CORO1B: variants seen among roughly 807,000 people sequenced by gnomAD.
CORO1B encodes the protein coronin 1B.
A neutral mutation model predicts 51.1 loss-of-function variants in CORO1B; 30 were observed. That is an observed-to-expected ratio of 0.59 (90% CI 0.44 to 0.80). CORO1B has a LOEUF of 0.80. Among genes scored for constraint, CORO1B ranks in the 30% least tolerant of loss-of-function variants. The pLI, the probability that CORO1B is intolerant of heterozygous loss-of-function variation, is 0.00. For synonymous variants in CORO1B, 310 were observed against 289.7 expected (o/e 1.07, Z -0.71); for missense variants, 648 against 700.4 (o/e 0.93, Z 0.84).
rs1317450360 is a variant in CORO1B at position 67,438,881 on chromosome 11, C to T, written c.1134G>A (p.Glu378=). 2 of 1,608,752 alleles carry T rather than the reference C, an allele frequency of 1.2e-6. No homozygotes were observed. Among genetic ancestry groups the T allele is most frequent in the Non-Finnish European group, 8.5e-7 (1 of 1,178,844 alleles). The change falls in exon 10 of 11, where the codon GAG becomes GAA. Residue 378 remains glutamate (E), a synonymous_variant. Transcript: ENST00000341356. Reference sequence around the variant, plus strand: ...GGTCGGCATCCCGCCCGCTCACCCACTCCTCAGCCTCCAGGGCTGCCTCGG... The same window carrying T: ...GGTCGGCATCCCGCCCGCTCACCCATTCCTCAGCCTCCAGGGCTGCCTCGG... ...AGPEAALEAE[E]WVSGRDADPI...
In CORO1B at chr11:67,435,674, G is replaced by A. The variant is rs1864251078; in HGVS notation, c.*2702C>T. Reference sequence around the variant, plus strand: ...GGTCCAGTCCAGCCATGGCATCTTGGGAAGCAGAGGCACGGGGAGTGAGCG... The same window carrying A: ...GGTCCAGTCCAGCCATGGCATCTTGAGAAGCAGAGGCACGGGGAGTGAGCG... On this transcript the variant is annotated 3_prime_UTR_variant, in exon 11 of 11. Coordinates refer to ENST00000341356, the MANE Select transcript of CORO1B (RefSeq NM_020441.3). The A allele has an allele frequency of 6.7e-7, 1 of 1,494,094 alleles. No individual in the cohort carries two copies. The highest frequency in any genetic ancestry group is 2.3e-5 in the Admixed American group (1 of 43,352). The allele number at this position is 1,494,094 out of a possible 1,614,324, so 92.6% of individuals were successfully genotyped here.
chr11:67,442,232 T>C lies in CORO1B; in HGVS notation c.202-144A>G, dbSNP rs141426475. On this transcript the variant is annotated intron_variant, in intron 2 of 10. Transcript: ENST00000341356. ...CCCCACTTGCCAGGTGAGCAGGAAATGTTTGCTGCCTCTAACCCTGCCTCT... is the reference window on the plus strand; with the variant it reads ...CCCCACTTGCCAGGTGAGCAGGAAACGTTTGCTGCCTCTAACCCTGCCTCT... 643 of 1,414,620 alleles carry C rather than the reference T, an allele frequency of 4.5e-4. 2 individuals carry two copies. The African/African-American group carries it at 8.3e-3, about 18-fold the overall frequency. 87.6% of individuals were successfully genotyped at this position (1,414,620 alleles called of 1,614,324 possible).
rs924835685 is a variant in CORO1B, at chr11:67,437,253, G to T, written c.*1123C>A. ...CAGCTGCCAGAGGAAGTCTGCGGTC[G>T]GAACAGGCTAGGTGGGGGGTGTCGG... is the stretch of plus-strand genomic sequence containing the variant. On this transcript the variant is annotated 3_prime_UTR_variant, in exon 11 of 11. Transcript: ENST00000341356. 2.2e-5 allele frequency: 5 copies of T among 225,128 alleles called. No homozygotes were observed. The highest frequency in any genetic ancestry group is 3.4e-5 in the Non-Finnish European group (4 of 115,946). The allele number at this position is 225,128 out of a possible 1,614,324, so 13.9% of individuals were successfully genotyped here. A position where few individuals can be genotyped will look rare whatever the true frequency, so the allele number is the denominator to read the frequency against.
At position 67,441,780 on chromosome 11, in the gene CORO1B, C is replaced by A. The variant is rs1255412130; in HGVS notation, c.407G>T (p.Gly136Val). The A allele has an allele frequency of 3.1e-6, 5 of 1,612,816 alleles. No individual in the cohort carries two copies. Among genetic ancestry groups the A allele is most frequent in the African/African-American group, 1.3e-5 (1 of 74,906 alleles). The change falls in exon 4 of 11, where the codon GGC becomes GTC. Residue 136 changes from glycine (G) to valine (V), a missense_variant. By Grantham distance (109) the Gly-to-Val change is moderately radical. Coordinates refer to ENST00000341356, the MANE Select transcript of CORO1B (RefSeq NM_020441.3). ...VVLEGHTKRV[G>V]IIAWHPTARN... ...GGCCGTGGGGTGCCAGGCGATGATGCCCACTCGCTTGGTGTGCCCCTCCAG... is the reference window on the plus strand; with the variant it reads ...GGCCGTGGGGTGCCAGGCGATGATGACCACTCGCTTGGTGTGCCCCTCCAG...
intron 9 of CORO1B, among the ~76,000 whole-genome samples, chr11:67,439,163 C>T (rs1392589973): frequency 6.6e-6 from 1 of 152,270 alleles, no homozygotes; most frequent in East Asian, 1.9e-4. Flanking sequence ...ATCACCTTCC[C>T]CTGCAAGGCA....
At chr11:67,440,935 TG>T (rs1864380877) in intron 6 of CORO1B, 189 bp downstream of exon 6, 2 of 744,472 alleles carry the variant, frequency 2.7e-6, no homozygotes, top group African/African-American at 1.7e-5. Context: ...TGGGAGGCCA[TG>T]GGGGAGTGGT....
intron 9 of CORO1B, 60 bp from the exon 10 acceptor site, chr11:67,439,009 C>T: frequency 1.3e-6 from 2 of 1,513,704 alleles, no homozygotes; most frequent in Non-Finnish European, 8.9e-7. Flanking sequence ...GTCCCCTCAT[C>T]CCTCCCCTGG....
rs780514757 is a variant in CORO1B, at chr11:67,435,850, G to A, written c.*2526C>T. Reference sequence around the variant, plus strand: ...GCAGGGCCTCAGCACTGCCCCCTGCGCTCGCTGGTCCTGGGGAGCCGAGGA... The same window carrying A: ...GCAGGGCCTCAGCACTGCCCCCTGCACTCGCTGGTCCTGGGGAGCCGAGGA... On this transcript the variant is annotated 3_prime_UTR_variant, in exon 11 of 11. Transcript: ENST00000341356. 1.2e-5 allele frequency: 20 copies of A among 1,609,432 alleles called. No individual in the cohort carries two copies. The highest frequency in any genetic ancestry group is 2.2e-5 in the East Asian group (1 of 44,864).
chr11:67,440,157 G>T lies in CORO1B; in HGVS notation c.968C>A (p.Pro323His). Residue 323 changes from proline to histidine, a missense_variant, in exon 8 of 11, where the codon CCC becomes CAC. Coordinates refer to ENST00000341356, the MANE Select transcript of CORO1B (RefSeq NM_020441.3). ...KEPQRGMGSM[P>H]KRGLEVSKCE... Reference sequence around the variant, plus strand: ...CTTGCTGACCTCCAGGCCCCGCTTGGGCATGCTGCCCATACCCCGCTGCGG... The same window carrying T: ...CTTGCTGACCTCCAGGCCCCGCTTGTGCATGCTGCCCATACCCCGCTGCGG... 6.2e-7 allele frequency: 1 copy of T among 1,613,604 alleles called. No homozygotes were observed. The highest frequency in any genetic ancestry group is 1.1e-5 in the South Asian group (1 of 91,084).
rs781154208 is a variant in CORO1B, at chr11:67,440,182, G to C, written c.943C>G (p.Pro315Ala). The C allele has an allele frequency of 1.2e-6, 2 of 1,613,756 alleles. No homozygotes were observed. Among genetic ancestry groups the C allele is most frequent in the Non-Finnish European group, 8.5e-7 (1 of 1,180,016 alleles). ...GGCATGCTGCCCATACCCCGCTGCGGCTCCTTGCTGGTGAACGTGTTCAGG... is the reference window on the plus strand; with the variant it reads ...GGCATGCTGCCCATACCCCGCTGCGCCTCCTTGCTGGTGAACGTGTTCAGG... Reference protein sequence around the residue: ...HFLNTFTSKEPQRGMGSMPKR... With the variant: ...HFLNTFTSKEAQRGMGSMPKR... The change falls in exon 8 of 11, where the codon CCG becomes GCG. Residue 315 changes from proline (P) to alanine (A), a missense_variant. Transcript: ENST00000341356.
intron 6 of CORO1B, 152 bp downstream of exon 6, chr11:67,440,973 G>A (rs1348820643): frequency 1.8e-6 from 2 of 1,110,600 alleles, no homozygotes; most frequent in Non-Finnish European, 2.6e-6. Flanking sequence ...CAGGGGGCAG[G>A]AGAGGAAAGT....
Position 67,439,367 on chromosome 11 carries a change from G to A in CORO1B, c.1066-418C>T, listed in dbSNP as rs532205068. ...TCTGAGGCCAAGCCACATGTGGCCC[G>A]GTCCCCTCTTCATGGGATTCCCCAC... On this transcript the variant is annotated intron_variant, in intron 9 of 10. Coordinates refer to ENST00000341356, the MANE Select transcript of CORO1B (RefSeq NM_020441.3). Among the ~76,000 whole-genome samples, 4 of 152,354 alleles carry A rather than the reference G, an allele frequency of 2.6e-5. No homozygotes were observed. The South Asian group carries it at 8.3e-4, about 32-fold the overall frequency.
upstream of CORO1B, chr11:67,443,545 C>A (rs1228503799): frequency 3.3e-5 from 26 of 788,686 alleles, no homozygotes; most frequent in South Asian, 1.4e-3. Context: ...GGGGGCGGGG[C>A]CGAGGTCACG....
In CORO1B at chr11:67,438,417, GGCGGCAGAT is replaced by G. The variant is rs1257819527; in HGVS notation, c.1420_1428del (p.Ile474_Arg476del). On this transcript the variant is annotated inframe_deletion, in exon 11 of 11. Coordinates refer to ENST00000341356, the MANE Select transcript of CORO1B (RefSeq NM_020441.3). Reference sequence around the variant, plus strand: ...TCCATGCGGCCCAGCTGCTCCTCCAGGCGGCAGATGCGGTCGCCCTGCTCCTTGACCAGC... The same window carrying G: ...TCCATGCGGCCCAGCTGCTCCTCCAGGCGGTCGCCCTGCTCCTTGACCAGC... The G allele has an allele frequency of 2.5e-6, 4 of 1,610,438 alleles. No homozygotes were observed. Among genetic ancestry groups the G allele is most frequent in the Non-Finnish European group, 3.4e-6 (4 of 1,178,258 alleles).
chr11:67,442,164 G>A, intron 2 of CORO1B, 76 bp from the exon 3 acceptor site: 3 of 1,576,732 alleles, frequency 1.9e-6, no homozygotes, highest in Non-Finnish European at 2.6e-6. Context: ...GAGTGGGAAT[G>A]ACATGCACGT....
At chr11:67,439,553 C>T (rs570518842) in intron 9 of CORO1B, among the ~76,000 whole-genome samples, 11 of 152,340 alleles carry the variant, frequency 7.2e-5, no homozygotes, top group Non-Finnish European at 1.5e-4. Context: ...GTGTCCTTCT[C>T]CTGTGGCTCA....
chr11:67,439,059 C>G (rs980611090), intron 9 of CORO1B, 110 bp from the exon 10 acceptor site: 66 of 1,268,150 alleles, frequency 5.2e-5, no homozygotes, highest in Non-Finnish European at 6.8e-5. Context: ...CTCCCACGGC[C>G]TGGAAAGCTC....
rs1864385192 is a variant in CORO1B, at chr11:67,441,148, G to A, written c.733C>T (p.Arg245Trp). 1.2e-6 allele frequency: 2 copies of A among 1,613,048 alleles called. No individual in the cohort carries two copies. The highest frequency in any genetic ancestry group is 1.7e-6 in the Non-Finnish European group (2 of 1,180,000). ...ACTGGGTCCCAGAGCGCCAGCTGCC[G>A]CTCGCTCATTCGGCTGAAGCCTGTG... ...FTTGFSRMSE[R>W]QLALWDPENL... Residue 245 changes from arginine to tryptophan, a missense_variant, in exon 6 of 11, where the codon CGG (arginine) becomes TGG (tryptophan). By Grantham distance (101) the Arg-to-Trp change is moderately radical (BLOSUM62 -3). Coordinates refer to ENST00000341356, the MANE Select transcript of CORO1B (RefSeq NM_020441.3).
chr11:67,438,540 G>C (rs1379263990), intron 10 of CORO1B, 39 bp from the exon 11 acceptor site: 1 of 1,582,286 alleles, frequency 6.3e-7, no homozygotes, highest in Non-Finnish European at 8.6e-7. Flanking sequence ...GCGGTGGTCA[G>C]GGGCTGCTAA....
Sources: allele counts gnomAD v4.1 joint callset (sites outside exome capture counted in the v4.1 genomes callset), GRCh38; gene constraint gnomAD v4.1.1; transcripts MANE v1.5; gene names NCBI Gene and HGNC (gene_info 2026-07-23, HGNC 2026-07-21).